The following RBFOX1 variants were observed in gnomAD, a reference collection of about 807,000 sequenced individuals.
RBFOX1 encodes RNA binding fox-1 homolog 1, also known as RNA binding protein fox-1 homolog 1.
Under a neutral mutation model 57.7 loss-of-function variants are expected in RBFOX1, and 8 were observed. That is an observed-to-expected ratio of 0.14 (90% confidence interval 0.08 to 0.25). The LOEUF (loss-of-function observed/expected upper bound fraction) is 0.25. RBFOX1 is among the 10% of genes least tolerant of loss of function. RBFOX1 has a pLI of 1.00. For synonymous variants in RBFOX1, 326 were observed against 222.4 expected (o/e 1.47, Z -4.15); for missense variants, 611 against 548.5 (o/e 1.11, Z -1.14).
intron 1 of RBFOX1, among the ~76,000 whole-genome samples, chr16:6,289,055 A>G (rs992367629): frequency 3.9e-5 from 6 of 152,090 alleles, no homozygotes; most frequent in African/African-American, 1.2e-4. Context: ...TTTACCAACT[A>G]TGCCCTTGAT....
intron 4 of RBFOX1, among the ~76,000 whole-genome samples, chr16:7,445,856 G>A (rs910085798): frequency 6.6e-6 from 1 of 152,168 alleles, no homozygotes; most frequent in African/African-American, 2.4e-5. Context: ...ATTGAAGTGG[G>A]TTAATAAATG....
At chr16:5,583,774 G>A (rs960521836) in intron 2 of RBFOX1, among the ~76,000 whole-genome samples, 4 of 152,282 alleles carry the variant, frequency 2.6e-5, no homozygotes, top group African/African-American at 9.6e-5. Context: ...CTTATAGAGG[G>A]GAAAACTGTG....
At chr16:6,407,847 C>T (rs2093339868) in intron 2 of RBFOX1, among the ~76,000 whole-genome samples, 1 of 152,082 alleles carries the variant, frequency 6.6e-6, no homozygotes, top group Non-Finnish European at 1.5e-5. Context: ...AGGTGTGGAC[C>T]CCAGCCTTTG....
At chr16:6,830,707 G>C (rs1262527175) in intron 3 of RBFOX1, among the ~76,000 whole-genome samples, 1 of 152,136 alleles carries the variant, frequency 6.6e-6, no homozygotes, top group Admixed American at 6.5e-5. Flanking sequence ...AAGAAACGTT[G>C]CTCTATCATG....
intron 1 of RBFOX1, among the ~76,000 whole-genome samples, chr16:6,207,237 T>C (rs1369623119): frequency 2.0e-5 from 3 of 152,186 alleles, no homozygotes; most frequent in African/African-American, 7.2e-5. Flanking sequence ...TCTGAGACTC[T>C]CCTTGTTCAG....
chr16:5,513,207 C>T (rs776159759), intron 2 of RBFOX1, among the ~76,000 whole-genome samples: 57 of 152,130 alleles, frequency 3.7e-4, no homozygotes, highest in South Asian at 8.3e-4. Context: ...CCAAGGTACC[C>T]GGCTACTTTC....
rs576402580 is a variant in RBFOX1, at chr16:6,954,904, A to G, written c.-15-97153A>G. Among the ~76,000 whole-genome samples, 15 of 152,234 alleles carry G rather than the reference A, an allele frequency of 9.9e-5. No homozygotes were observed. The East Asian group carries it at 2.5e-3, about 25-fold the overall frequency. On this transcript the variant is annotated intron_variant, in intron 3 of 15. Coordinates refer to ENST00000550418, the MANE Select transcript of RBFOX1 (RefSeq NM_018723.4). ...TGTCCTCAAATAAAGAAAGGTAATT[A>G]TCCTAAACTTATTAGGCTATTTTAG...
At chr16:6,738,188 A>C (rs906000406) in intron 3 of RBFOX1, among the ~76,000 whole-genome samples, 1 of 152,128 alleles carries the variant, frequency 6.6e-6, no homozygotes, top group Non-Finnish European at 1.5e-5. Context: ...ACATGGAACA[A>C]TGGTTTGCAT....
At chr16:6,874,284 T>G (rs1603635155) in intron 3 of RBFOX1, among the ~76,000 whole-genome samples, 1 of 151,426 alleles carries the variant, frequency 6.6e-6, no homozygotes, top group Admixed American at 6.6e-5. Flanking sequence ...CTGAGGCAGG[T>G]GGATAATCTG....
chr16:6,275,770 G>T (rs779401630), intron 1 of RBFOX1, among the ~76,000 whole-genome samples: 1 of 152,150 alleles, frequency 6.6e-6, no homozygotes, highest in African/African-American at 2.4e-5. Context: ...AGAAATAGAA[G>T]AAAGTGATTA....
intron 3 of RBFOX1, among the ~76,000 whole-genome samples, chr16:5,850,262 C>G (rs1207425646): frequency 6.6e-6 from 1 of 152,080 alleles, no homozygotes; most frequent in East Asian, 1.9e-4. Flanking sequence ...TCTGAAATCT[C>G]CTGGAGTAAT....
intron 3 of RBFOX1, among the ~76,000 whole-genome samples, chr16:6,951,677 A>T (rs1251308073): frequency 6.6e-6 from 1 of 152,064 alleles, no homozygotes; most frequent in Non-Finnish European, 1.5e-5. Context: ...TCATGGATTC[A>T]GTGAGTCACA....
intron 1 of RBFOX1, among the ~76,000 whole-genome samples, chr16:6,257,918 A>G (rs2097678466): frequency 6.6e-6 from 1 of 152,134 alleles, no homozygotes; most frequent in Non-Finnish European, 1.5e-5. Flanking sequence ...AGAATGATTT[A>G]TATTCCTTTC....
At chr16:5,281,699 C>T (rs1167030449) in intron 1 of RBFOX1, among the ~76,000 whole-genome samples, 10 of 152,132 alleles carry the variant, frequency 6.6e-5, no homozygotes. Flanking sequence ...GTCCTTTTTA[C>T]AGTTTTTGAC....
chr16:6,750,602 G>C (rs575320680), intron 3 of RBFOX1, among the ~76,000 whole-genome samples: 1 of 152,318 alleles, frequency 6.6e-6, no homozygotes, highest in South Asian at 2.1e-4. Context: ...ATCACCATCA[G>C]AGATATTTTG....
intron 4 of RBFOX1, among the ~76,000 whole-genome samples, chr16:7,348,203 G>C (rs908082937): frequency 3.3e-5 from 5 of 152,122 alleles, no homozygotes; most frequent in African/African-American, 1.2e-4. Flanking sequence ...ATACCACATA[G>C]ATACATAAAC....
intron 4 of RBFOX1, among the ~76,000 whole-genome samples, chr16:7,130,250 G>T (rs1461934193): frequency 6.6e-6 from 1 of 151,944 alleles, no homozygotes; most frequent in African/African-American, 2.4e-5. Context: ...GGCCAGGCTG[G>T]TCTTGAACTC....
intron 2 of RBFOX1, among the ~76,000 whole-genome samples, chr16:6,518,797 G>GTCTGTCTATCTATCTA (rs1278136972): frequency 3.4e-4 from 35 of 104,078 alleles, no homozygotes; most frequent in Admixed American, 8.5e-4. Flanking sequence ...CTGTGTGTCT[G>GTCTGTCTATCTATCTA]TCTATCTATC....
intron 2 of RBFOX1, among the ~76,000 whole-genome samples, chr16:6,473,463 T>A (rs1048304306): frequency 6.6e-6 from 1 of 152,106 alleles, no homozygotes; most frequent in African/African-American, 2.4e-5. Context: ...ACCCAACAGT[T>A]GCAAAAATCT....
Sources: allele counts gnomAD v4.1 joint callset (sites outside exome capture counted in the v4.1 genomes callset), GRCh38; gene constraint gnomAD v4.1.1; transcripts MANE v1.5; gene names NCBI Gene and HGNC (gene_info 2026-07-23, HGNC 2026-07-21).